Variants in TPST1 observed in about 807,000 individuals in gnomAD.
TPST1 encodes the protein tyrosylprotein sulfotransferase 1, also known as protein-tyrosine sulfotransferase 1.
TPST1 carries 20 observed loss-of-function variants against 34.8 expected under a neutral mutation model. That is an observed-to-expected ratio of 0.57 (90% confidence interval 0.40 to 0.84). The LOEUF (loss-of-function observed/expected upper bound fraction) is 0.84, where lower values mean the gene tolerates loss of function less well. Among genes scored for constraint, TPST1 ranks in the 40% least tolerant of loss-of-function variants. The pLI is 0.00. For synonymous variants in TPST1, 152 were observed against 159.4 expected (o/e 0.95, Z 0.35); for missense variants, 353 against 455.5 (o/e 0.78, Z 2.05).
At chr7:66,354,849 A>C (rs1447102184) in intron 4 of TPST1, among the ~76,000 whole-genome samples, 2 of 152,054 alleles carry the variant, frequency 1.3e-5, no homozygotes, top group Non-Finnish European at 2.9e-5. Flanking sequence ...ACAAAAAATT[A>C]GCTGGGTGTG....
chr7:66,225,856 C>G (rs1458874683), intron 1 of TPST1, among the ~76,000 whole-genome samples: 1 of 152,056 alleles, frequency 6.6e-6, no homozygotes, highest in Non-Finnish European at 1.5e-5. Flanking sequence ...AAAGGTACTT[C>G]CCAGTTTGGT....
chr7:66,202,604 C>T (rs1050744628), upstream of TPST1, among the ~76,000 whole-genome samples: 2 of 152,104 alleles, frequency 1.3e-5, no homozygotes, highest in African/African-American at 4.8e-5. Context: ...GGCTGTGCAC[C>T]GGTGGTGGCT....
At chr7:66,220,590 G>A (rs921207528) in intron 1 of TPST1, among the ~76,000 whole-genome samples, 12 of 141,660 alleles carry the variant, frequency 8.5e-5, no homozygotes, top group African/African-American at 3.1e-4. Context: ...AGAGAGACAC[G>A]CAAAAGCTGC....
intron 4 of TPST1, chr7:66,352,759 T>C (rs1184328424): frequency 4.1e-5 from 40 of 985,320 alleles, no homozygotes; most frequent in Non-Finnish European, 4.3e-5. Context: ...CAGTCTTAAT[T>C]TCAGAGAGCT....
At chr7:66,258,556 G>A (rs557342545) in intron 2 of TPST1, among the ~76,000 whole-genome samples, 2 of 152,228 alleles carry the variant, frequency 1.3e-5, no homozygotes, top group Admixed American at 6.5e-5. Context: ...GCAAAATTAC[G>A]GGAAACCCTT....
chr7:66,322,309 CAT>C lies in TPST1; in HGVS notation c.1045-30193_1045-30192del, dbSNP rs141041385. On this transcript the variant is annotated intron_variant, in intron 3 of 5. Coordinates refer to ENST00000304842, the MANE Select transcript of TPST1 (RefSeq NM_003596.4). ...AACTGTACATCTCAGTAGTGTTAAA[CAT>C]ATTTACAGTGTTGTAAAACAGATTC... Among the ~76,000 whole-genome samples the C allele has an allele frequency of 7.8e-3, 1,191 of 152,296 alleles. 8 individuals are homozygous for C. The highest frequency in any genetic ancestry group is 0.014 in the Middle Eastern group (4 of 294).
chr7:66,358,140 G>A (rs1240264871), intron 5 of TPST1, among the ~76,000 whole-genome samples: 1 of 152,070 alleles, frequency 6.6e-6, no homozygotes, highest in East Asian at 1.9e-4. Flanking sequence ...CAGCTACTCG[G>A]GAGGCTGAAG....
chr7:66,240,338 T>C lies in TPST1; in HGVS notation c.-88T>C, dbSNP rs1790002115. 1.4e-6 allele frequency: 2 copies of C among 1,465,332 alleles called. No homozygotes were observed. The highest frequency in any genetic ancestry group is 9.1e-7 in the Non-Finnish European group (1 of 1,099,418). The allele number at this position is 1,465,332 out of a possible 1,614,324, so 90.8% of individuals were successfully genotyped here. A position where few individuals can be genotyped will look rare whatever the true frequency, so the allele number is the denominator to read the frequency against. ...TTTCTCTACTAGATGTTGGTTATCT[T>C]TCTGAAGTAGACTGTCCATGGCCTG... On this transcript the variant is annotated 5_prime_UTR_variant, in exon 2 of 6. Coordinates refer to ENST00000304842, the MANE Select transcript of TPST1 (RefSeq NM_003596.4).
intron 2 of TPST1, among the ~76,000 whole-genome samples, chr7:66,283,731 C>T (rs1323587283): frequency 6.6e-6 from 1 of 152,164 alleles, no homozygotes; most frequent in East Asian, 1.9e-4. Context: ...CTTGCCTTAG[C>T]TGCTTAGTAA....
intron 1 of TPST1, among the ~76,000 whole-genome samples, chr7:66,218,541 G>A (rs1368997248): frequency 6.6e-6 from 1 of 152,078 alleles, no homozygotes; most frequent in African/African-American, 2.4e-5. Context: ...GTTCAGTTTT[G>A]CCCACAGAAA....
At chr7:66,200,482 C>T (rs149405636), upstream of TPST1, among the ~76,000 whole-genome samples, 875 of 97,152 alleles carry the variant, frequency 9.0e-3, 12 homozygotes, top group African/African-American at 0.036. Flanking sequence ...TGCAGTGGCG[C>T]AATCTCGGCT....
intron 1 of TPST1, among the ~76,000 whole-genome samples, chr7:66,234,825 C>T (rs1234165111): frequency 2.6e-5 from 4 of 151,628 alleles, no homozygotes; most frequent in Non-Finnish European, 4.4e-5. Flanking sequence ...TACAGGTGCC[C>T]GCCAACACGC....
chr7:66,318,863 G>C (rs927337578), intron 3 of TPST1, among the ~76,000 whole-genome samples: 7 of 152,150 alleles, frequency 4.6e-5, no homozygotes, highest in Non-Finnish European at 8.8e-5. Context: ...TTGTTTTGTT[G>C]AATAGACTAG....
Position 66,240,448 on chromosome 7 carries a change from A to G in TPST1, c.23A>G (p.Asn8Ser), listed in dbSNP as rs1236036661. Residue 8 changes from asparagine (N) to serine (S), a missense_variant, in exon 2 of 6, where the codon AAC becomes AGC. Transcript: ENST00000304842. ...AAGATGGTTGGAAAGCTGAAGCAGA[A>G]CTTACTATTGGCATGTCTGGTGATT... Reference protein sequence around the residue: MVGKLKQNLLLACLVISS... With the variant: MVGKLKQSLLLACLVISS... 1.9e-6 allele frequency: 3 copies of G among 1,614,024 alleles called. No homozygotes were observed. Among genetic ancestry groups the G allele is most frequent in the East Asian group, 2.2e-5 (1 of 44,886 alleles).
upstream of TPST1, among the ~76,000 whole-genome samples, chr7:66,201,373 A>C (rs1159272715): frequency 7.1e-6 from 1 of 141,482 alleles, no homozygotes; most frequent in Non-Finnish European, 1.5e-5. Flanking sequence ...GCAAGATCCC[A>C]TCTCTACCAA....
chr7:66,312,336 C>T (rs779467697), intron 3 of TPST1, among the ~76,000 whole-genome samples: 2 of 152,158 alleles, frequency 1.3e-5, no homozygotes, highest in Non-Finnish European at 2.9e-5. Context: ...GAAATAATTT[C>T]TCTTTATGTC....
intron 2 of TPST1, among the ~76,000 whole-genome samples, chr7:66,275,076 C>G (rs771545995): frequency 6.6e-6 from 1 of 152,096 alleles, no homozygotes; most frequent in African/African-American, 2.4e-5. Flanking sequence ...TGCCTGTAGT[C>G]CCAGCTACTT....
intron 1 of TPST1, among the ~76,000 whole-genome samples, chr7:66,206,957 C>G (rs1375952187): frequency 6.6e-6 from 1 of 152,116 alleles, no homozygotes. Flanking sequence ...AACACTCGCT[C>G]TTGGAGGAAA....
chr7:66,351,439 TA>T (rs1792476535), intron 3 of TPST1, among the ~76,000 whole-genome samples: 1 of 152,318 alleles, frequency 6.6e-6, no homozygotes, highest in African/African-American at 2.4e-5. Flanking sequence ...TCGATATATT[TA>T]TCTATCCTTG....
Sources: allele counts gnomAD v4.1 joint callset (sites outside exome capture counted in the v4.1 genomes callset), GRCh38; gene constraint gnomAD v4.1.1; transcripts MANE v1.5; gene names NCBI Gene and HGNC (gene_info 2026-07-23, HGNC 2026-07-21).